The following USP50 variants were observed in gnomAD, a reference collection of about 807,000 sequenced individuals.
The protein encoded by USP50 is ubiquitin specific peptidase 50.
In USP50, 37 loss-of-function variants were observed where a neutral mutation model predicts 39.2. The ratio of observed to expected loss-of-function variants is 0.94; its 90% confidence interval spans 0.73 to 1.24. USP50 has a LOEUF of 1.24. Among genes scored for constraint, USP50 ranks in the 50% most tolerant of loss-of-function variants. The pLI is 0.00. For synonymous variants in USP50, 139 were observed against 144.5 expected (o/e 0.96, Z 0.27); for missense variants, 374 against 398.2 (o/e 0.94, Z 0.52).
chr15:50,537,985 C>T lies in USP50; in HGVS notation c.803+724G>A, dbSNP rs1246543048. 2.1e-5 allele frequency among the ~76,000 whole-genome samples: 3 copies of T among 141,448 alleles called. No individual in the cohort carries two copies. In the Admixed American group the frequency reaches 2.2e-4, roughly 10 times the overall value. The allele number at this position is 141,448 out of a possible 152,430, so 92.8% of individuals were successfully genotyped here. A position where few individuals can be genotyped will look rare whatever the true frequency, so the allele number is the denominator to read the frequency against. On this transcript the variant is annotated intron_variant, in intron 5 of 6. Coordinates refer to ENST00000532404, the MANE Select transcript of USP50 (RefSeq NM_203494.5). ...GTCTTAAAACTCAGCAATTAGAAAACCAACAACCTGGCCAGGCGTGGGGGC... is the reference window on the plus strand; with the variant it reads ...GTCTTAAAACTCAGCAATTAGAAAATCAACAACCTGGCCAGGCGTGGGGGC...
chr15:50,500,304 T>C (rs1278826387), downstream of USP50: 1 of 153,704 alleles, frequency 6.5e-6, no homozygotes, highest in African/African-American at 2.4e-5. Context: ...ATTATTTTTG[T>C]TTAGCTTCAT....
intron 6 of USP50, among the ~76,000 whole-genome samples, chr15:50,516,167 A>T (rs2052802054): frequency 6.6e-6 from 1 of 152,230 alleles, no homozygotes; most frequent in Non-Finnish European, 1.5e-5. Context: ...TTCAAATCAT[A>T]CCACCACAGA....
intron 6 of USP50, chr15:50,502,902 A>G (rs954383319): frequency 2.0e-5 from 3 of 152,234 alleles, no homozygotes; most frequent in Admixed American, 1.3e-4. Flanking sequence ...TTTCTCATCT[A>G]TTAACATGGC....
At chr15:50,546,173 C>A (rs1448088518) in intron 1 of USP50, among the ~76,000 whole-genome samples, 1 of 152,006 alleles carries the variant, frequency 6.6e-6, no homozygotes, top group Non-Finnish European at 1.5e-5. Flanking sequence ...AGACAGTGAC[C>A]TTACCTCATA....
At chr15:50,536,467 C>T (rs1311872769) in intron 5 of USP50, among the ~76,000 whole-genome samples, 1 of 151,954 alleles carries the variant, frequency 6.6e-6, no homozygotes, top group Non-Finnish European at 1.5e-5. Context: ...ATGACGAAAC[C>T]CTGTCTCTAC....
chr15:50,529,539 T>C (rs1480344730), intron 6 of USP50, among the ~76,000 whole-genome samples: 1 of 152,136 alleles, frequency 6.6e-6, no homozygotes, highest in Non-Finnish European at 1.5e-5. Context: ...CTGCTGCTTC[T>C]AGGAGCACAA....
chr15:50,499,155 C>T, downstream of USP50: 1 of 1,466,752 alleles, frequency 6.8e-7, no homozygotes, highest in East Asian at 2.3e-5. Flanking sequence ...AAATGCTTAT[C>T]AGGATAATGG....
Position 50,513,508 on chromosome 15 carries a change from C to T in USP50, c.937-12671G>A, listed in dbSNP as rs1252294713. On this transcript the variant is annotated intron_variant, in intron 6 of 6. Transcript: ENST00000532404. ...TGAGGTCATGAGTTCGAGACAAGAG[C>T]GAAACTGTCTAAAAAAAAAAAAAAA... is the stretch of plus-strand genomic sequence containing the variant. 7 of 113,070 alleles carry T rather than the reference C, an allele frequency of 6.2e-5. No homozygotes were observed. The East Asian group carries it at 1.6e-3, about 26-fold the overall frequency. 7.0% of individuals were successfully genotyped at this position (113,070 alleles called of 1,614,324 possible).
intron 6 of USP50, among the ~76,000 whole-genome samples, chr15:50,519,431 G>A (rs765325664): frequency 6.6e-5 from 10 of 151,718 alleles, no homozygotes; most frequent in Non-Finnish European, 1.3e-4. Context: ...AAGCCACCCT[G>A]AGGCCGGGTG....
chr15:50,526,063 A>G (rs1302713936), intron 6 of USP50, among the ~76,000 whole-genome samples: 1 of 151,996 alleles, frequency 6.6e-6, no homozygotes, highest in East Asian at 1.9e-4. Flanking sequence ...ATACAGTATT[A>G]TATTATTTTA....
downstream of USP50, chr15:50,497,207 C>A: frequency 2.5e-6 from 4 of 1,609,918 alleles, no homozygotes; most frequent in Non-Finnish European, 3.4e-6. Context: ...AAGTTACCAC[C>A]TGTGCTTTTA....
intron 1 of USP50, among the ~76,000 whole-genome samples, chr15:50,545,070 T>G (rs80324507): frequency 0.03 from 4,562 of 152,216 alleles, 215 homozygotes; most frequent in African/African-American, 0.11. Flanking sequence ...AGATCTTGTC[T>G]CTATTACATA....
At chr15:50,529,349 TAAAAAAA>T (rs60643073) in intron 6 of USP50, among the ~76,000 whole-genome samples, 1 of 134,596 alleles carries the variant, frequency 7.4e-6, no homozygotes, top group Non-Finnish European at 1.6e-5. Context: ...ATCTCTACTT[TAAAAAAA>T]AAAAAAAAAA....
At chr15:50,514,517 G>C (rs1298341484) in intron 6 of USP50, 2 of 152,188 alleles carry the variant, frequency 1.3e-5, no homozygotes, top group African/African-American at 4.8e-5. Context: ...GAGGAACATG[G>C]AGAAACCCTT....
At chr15:50,519,131 G>A (rs1045790032) in intron 6 of USP50, among the ~76,000 whole-genome samples, 1 of 151,846 alleles carries the variant, frequency 6.6e-6, no homozygotes, top group Admixed American at 6.6e-5. Flanking sequence ...TGCTAAAAAT[G>A]CAAAACGTAG....
intron 6 of USP50, among the ~76,000 whole-genome samples, chr15:50,525,713 A>ATATT (rs2052891355): frequency 1.4e-5 from 1 of 70,120 alleles, no homozygotes; most frequent in Non-Finnish European, 2.9e-5. Context: ...ATATGTATAT[A>ATATT]TGTATATGTA....
chr15:50,515,711 T>G (rs1223589669), intron 6 of USP50, among the ~76,000 whole-genome samples: 1 of 151,612 alleles, frequency 6.6e-6, no homozygotes, highest in Non-Finnish European at 1.5e-5. Flanking sequence ...AAAGAATAAA[T>G]CAGTTGATGT....
At chr15:50,533,995 A>G (rs2052960987) in intron 5 of USP50, among the ~76,000 whole-genome samples, 1 of 152,128 alleles carries the variant, frequency 6.6e-6, no homozygotes, top group Non-Finnish European at 1.5e-5. Flanking sequence ...GTGAGACTCC[A>G]TCTCAAAAAA....
At chr15:50,497,398 C>G, downstream of USP50, 7 of 725,098 alleles carry the variant, frequency 9.7e-6, no homozygotes, top group Non-Finnish European at 1.4e-5. Context: ...TGTTAGTTCA[C>G]CTCAGTGTTT....
Sources: gnomAD v4.1 joint callset for allele counts (sites outside exome capture counted in the v4.1 genomes callset) on GRCh38, gnomAD v4.1.1 for gene constraint, MANE v1.5 for transcripts, NCBI Gene and HGNC (gene_info 2026-07-23, HGNC 2026-07-21) for gene names.